Variants in NKAIN2 observed in about 807,000 individuals in gnomAD.
NKAIN2 encodes the protein sodium/potassium-transporting ATPase subunit beta-1-interacting protein 2.
NKAIN2 carries 14 observed loss-of-function variants against 32.6 expected under a neutral mutation model. The observed-to-expected ratio is 0.43, with a 90% confidence interval of 0.28 to 0.67. NKAIN2 has a LOEUF of 0.67. Among genes scored for constraint, NKAIN2 ranks in the 30% least tolerant of loss-of-function variants. NKAIN2 has a pLI of 0.17. For missense variants in NKAIN2, 198 were observed against 258.3 expected (o/e 0.77, Z 1.60); for synonymous variants, 80 against 87.2 (o/e 0.92, Z 0.46).
At chr6:124,270,117 T>G (rs1228807770) in intron 1 of NKAIN2, among the ~76,000 whole-genome samples, 1 of 152,154 alleles carries the variant, frequency 6.6e-6, no homozygotes. Context: ...CTCCTTCTCC[T>G]GATGACAACA....
intron 4 of NKAIN2, among the ~76,000 whole-genome samples, chr6:124,752,869 T>C (rs1186280347): frequency 6.6e-6 from 1 of 152,108 alleles, no homozygotes; most frequent in Non-Finnish European, 1.5e-5. Context: ...CTGACATATA[T>C]ACAGAAAATA....
rs542347610 is a variant in NKAIN2, at chr6:124,126,300, G to A, written c.55-156705G>A. On this transcript the variant is annotated intron_variant, in intron 1 of 6. Coordinates refer to ENST00000368417, the MANE Select transcript of NKAIN2 (RefSeq NM_001040214.3). Reference sequence around the variant, plus strand: ...CTTGTCCTCACCTTGTAGCAAATATGCCACAGTTCCCTAGTCCATTGTATT... The same window carrying A: ...CTTGTCCTCACCTTGTAGCAAATATACCACAGTTCCCTAGTCCATTGTATT... 6.3e-4 allele frequency among the ~76,000 whole-genome samples: 96 copies of A among 152,186 alleles called. 1 individual carries two copies. The highest frequency in any genetic ancestry group is 2.2e-3 in the African/African-American group (91 of 41,506).
At chr6:124,812,028 T>G (rs934622970) in intron 5 of NKAIN2, among the ~76,000 whole-genome samples, 1 of 152,138 alleles carries the variant, frequency 6.6e-6, no homozygotes, top group Admixed American at 6.6e-5. Context: ...AACAAAGTTA[T>G]TCCTACAATT....
At chr6:124,239,036 C>A (rs182193974) in intron 1 of NKAIN2, among the ~76,000 whole-genome samples, 85 of 152,146 alleles carry the variant, frequency 5.6e-4, no homozygotes, top group African/African-American at 1.8e-3. Context: ...TGCAAAGACA[C>A]ACATAGGCTC....
intron 4 of NKAIN2, among the ~76,000 whole-genome samples, chr6:124,685,369 A>G (rs868290458): frequency 2.6e-5 from 4 of 152,296 alleles, no homozygotes; most frequent in Middle Eastern, 3.4e-3. Context: ...GTAATTGCTT[A>G]ATGTAGTGGT....
chr6:124,524,268 ATTG>A (rs1779228928), intron 3 of NKAIN2, among the ~76,000 whole-genome samples: 1 of 152,176 alleles, frequency 6.6e-6, no homozygotes. Context: ...TAGTATGTTT[ATTG>A]TTCATTTGCA....
rs538909792 is a variant in NKAIN2, at chr6:124,407,014, G to C, written c.273+51667G>C. ...ATGACTTACAAATTTTGCCCCCATT[G>C]GTGGCTTAACATTTCATTTCATGAA... is the stretch of plus-strand genomic sequence containing the variant. On this transcript the variant is annotated intron_variant, in intron 3 of 6. Transcript: ENST00000368417. 5.3e-4 allele frequency among the ~76,000 whole-genome samples: 81 copies of C among 152,000 alleles called. 1 individual carries two copies. Among genetic ancestry groups the C allele is most frequent in the African/African-American group, 2.0e-3 (81 of 41,458 alleles).
chr6:124,046,343 A>G (rs950577167), intron 1 of NKAIN2, among the ~76,000 whole-genome samples: 1 of 152,022 alleles, frequency 6.6e-6, no homozygotes, highest in Non-Finnish European at 1.5e-5. Flanking sequence ...TTCCTGGAAC[A>G]CTAGTGTTCC....
intron 3 of NKAIN2, among the ~76,000 whole-genome samples, chr6:124,643,618 G>A (rs553231860): frequency 5.1e-4 from 77 of 152,172 alleles, no homozygotes; most frequent in Middle Eastern, 3.4e-3. Context: ...ACATCATTAT[G>A]GCCTGGTAAG....
intron 1 of NKAIN2, among the ~76,000 whole-genome samples, chr6:124,135,727 A>G (rs1175914406): frequency 1.3e-5 from 2 of 152,072 alleles, no homozygotes; most frequent in African/African-American, 4.8e-5. Context: ...TCCAAAAGGA[A>G]CCCTCAAACC....
chr6:124,710,949 G>T (rs1371993163), intron 4 of NKAIN2, among the ~76,000 whole-genome samples: 2 of 151,126 alleles, frequency 1.3e-5, no homozygotes, highest in East Asian at 2.0e-4. Context: ...GTTTTGGCAT[G>T]ATTTTGCAGT....
intron 3 of NKAIN2, among the ~76,000 whole-genome samples, chr6:124,622,733 G>T (rs1017253173): frequency 6.6e-6 from 1 of 152,160 alleles, no homozygotes; most frequent in African/African-American, 2.4e-5. Context: ...TTCCCCCGGA[G>T]TTGAGCCATC....
At chr6:123,898,522 T>G (rs981392600) in intron 1 of NKAIN2, among the ~76,000 whole-genome samples, 2 of 151,238 alleles carry the variant, frequency 1.3e-5, no homozygotes, top group East Asian at 3.9e-4. Flanking sequence ...GTGCAAAATG[T>G]CCAGATATCG....
chr6:124,633,885 T>C (rs1044799529), intron 3 of NKAIN2, among the ~76,000 whole-genome samples: 1 of 152,046 alleles, frequency 6.6e-6, no homozygotes, highest in African/African-American at 2.4e-5. Flanking sequence ...TGCCTCAGGC[T>C]CTTGAGAGCC....
chr6:124,289,114 T>A (rs972201254), intron 2 of NKAIN2, among the ~76,000 whole-genome samples: 3 of 152,224 alleles, frequency 2.0e-5, no homozygotes. Flanking sequence ...ACTCTAAGAC[T>A]GTCATAATAA....
chr6:124,168,109 G>T (rs1403528644), intron 1 of NKAIN2, among the ~76,000 whole-genome samples: 1 of 152,090 alleles, frequency 6.6e-6, no homozygotes, highest in African/African-American at 2.4e-5. Flanking sequence ...ATTAGTATCT[G>T]TCCTGGTTTA....
At chr6:124,773,343 C>A (rs1778845874) in intron 4 of NKAIN2, among the ~76,000 whole-genome samples, 1 of 151,902 alleles carries the variant, frequency 6.6e-6, no homozygotes. Flanking sequence ...GTGGGGGGGT[C>A]ACTGGAAGCC....
chr6:124,385,458 C>T (rs1039441132), intron 3 of NKAIN2, among the ~76,000 whole-genome samples: 4 of 152,094 alleles, frequency 2.6e-5, no homozygotes, highest in Admixed American at 6.6e-5. Flanking sequence ...CCCAAATGCA[C>T]GATTATAACC....
chr6:124,113,328 C>G (rs766344819), intron 1 of NKAIN2, among the ~76,000 whole-genome samples: 1 of 152,280 alleles, frequency 6.6e-6, no homozygotes, highest in Admixed American at 6.5e-5. Flanking sequence ...GTGCCATCTC[C>G]ATCAGAGCTT....
Sources: gnomAD v4.1 joint callset for allele counts (sites outside exome capture counted in the v4.1 genomes callset) on GRCh38, gnomAD v4.1.1 for gene constraint, MANE v1.5 for transcripts, NCBI Gene and HGNC (gene_info 2026-07-23, HGNC 2026-07-21) for gene names.